The following KIAA1217 variants were observed in gnomAD, a reference collection of about 807,000 sequenced individuals.
The protein encoded by KIAA1217 is KIAA1217, also known as sickle tail protein homolog.
KIAA1217 carries 88 observed loss-of-function variants against 163.9 expected under a neutral mutation model. That is an observed-to-expected ratio of 0.54 (90% CI 0.45 to 0.64). The LOEUF (loss-of-function observed/expected upper bound fraction) is 0.64, where lower values mean the gene tolerates loss of function less well. KIAA1217 is among the 30% of genes least tolerant of loss of function. The probability of loss-of-function intolerance (pLI) is 0.00; values close to 1 mark genes in which losing one functional copy is unlikely to be tolerated. For synonymous variants in KIAA1217, 903 were observed against 923.1 expected (o/e 0.98, Z 0.39); for missense variants, 2,372 against 2,475.0 (o/e 0.96, Z 0.88).
At chr10:23,719,323 G>A (rs1300098753) in intron 1 of KIAA1217, among the ~76,000 whole-genome samples, 2 of 152,216 alleles carry the variant, frequency 1.3e-5, no homozygotes, top group Non-Finnish European at 2.9e-5. Flanking sequence ...GCTCATGCCT[G>A]TAATCCCAAC....
At chr10:23,760,443 G>A (rs888641475) in intron 1 of KIAA1217, among the ~76,000 whole-genome samples, 5 of 152,214 alleles carry the variant, frequency 3.3e-5, no homozygotes, top group Non-Finnish European at 5.9e-5. Context: ...GCATCAGTGT[G>A]CATTGAGATA....
At chr10:23,884,797 G>A (rs1841100761) in intron 1 of KIAA1217, among the ~76,000 whole-genome samples, 2 of 151,900 alleles carry the variant, frequency 1.3e-5, no homozygotes, top group Admixed American at 6.6e-5. Context: ...CAGGCTTCAG[G>A]TTTGTCCCCA....
intron 1 of KIAA1217, among the ~76,000 whole-genome samples, chr10:23,989,054 T>C (rs915091333): frequency 7.2e-5 from 11 of 152,248 alleles, no homozygotes; most frequent in Non-Finnish European, 1.2e-4. Flanking sequence ...TGAACATTTT[T>C]CTATTTCATT....
At position 24,543,951 on chromosome 10, in the gene KIAA1217, G is replaced by T; in HGVS notation, c.4681G>T (p.Ala1561Ser). ...SPNSECKGED[A>S]TDDQFESPKK... Reference sequence around the variant, plus strand: ...AAATTCGGAATGCAAGGGTGAGGACGCGACCGATGACCAGTTTGAAAGCCC... The same window carrying T: ...AAATTCGGAATGCAAGGGTGAGGACTCGACCGATGACCAGTTTGAAAGCCC... The change falls in exon 19 of 21, where the codon GCG (alanine) becomes TCG (serine). Residue 1561 changes from alanine to serine, a missense_variant. Transcript: ENST00000376454. The T allele has an allele frequency of 6.2e-7, 1 of 1,614,020 alleles. No homozygotes were observed. Among genetic ancestry groups the T allele is most frequent in the Non-Finnish European group, 8.5e-7 (1 of 1,180,020 alleles).
chr10:24,188,408 GGTAGAGGA>G (rs917143495), intron 2 of KIAA1217, among the ~76,000 whole-genome samples: 121 of 152,172 alleles, frequency 8.0e-4, no homozygotes, highest in African/African-American at 2.8e-3. Context: ...AATTCTCAGG[GGTAGAGGA>G]TCACAGCCAG....
chr10:23,773,401 C>T (rs1273964425), intron 1 of KIAA1217, among the ~76,000 whole-genome samples: 1 of 151,586 alleles, frequency 6.6e-6, no homozygotes, highest in Non-Finnish European at 1.5e-5. Context: ...TAGCGTGATG[C>T]CTCCAGCTTT....
At chr10:23,922,682 A>G (rs906668177) in intron 1 of KIAA1217, among the ~76,000 whole-genome samples, 8 of 152,330 alleles carry the variant, frequency 5.3e-5, no homozygotes, top group African/African-American at 1.9e-4. Context: ...TGTAGTGAGC[A>G]TAGAAAAACA....
At chr10:24,302,837 G>T (rs567960257) in intron 2 of KIAA1217, among the ~76,000 whole-genome samples, 4 of 152,256 alleles carry the variant, frequency 2.6e-5, no homozygotes, top group African/African-American at 9.6e-5. Flanking sequence ...CCAGAAGGCA[G>T]AGGAAACAAC....
chr10:24,453,841 A>G (rs2132367548), intron 5 of KIAA1217, among the ~76,000 whole-genome samples: 1 of 152,352 alleles, frequency 6.6e-6, no homozygotes, highest in Admixed American at 6.5e-5. Context: ...TAACTCCTTA[A>G]GTCACAACTA....
At chr10:24,074,021 T>G (rs182371471) in intron 2 of KIAA1217, among the ~76,000 whole-genome samples, 1 of 152,026 alleles carries the variant, frequency 6.6e-6, no homozygotes, top group South Asian at 2.1e-4. Context: ...CAGAAAATAA[T>G]TGGACTGTCT....
At chr10:24,464,155 G>C (rs2062705704) in intron 5 of KIAA1217, among the ~76,000 whole-genome samples, 1 of 152,168 alleles carries the variant, frequency 6.6e-6, no homozygotes, top group Non-Finnish European at 1.5e-5. Context: ...GGGGCCTTTG[G>C]AGATTGAACT....
intron 1 of KIAA1217, among the ~76,000 whole-genome samples, chr10:23,813,278 C>T (rs1028619526): frequency 2.6e-5 from 4 of 151,984 alleles, no homozygotes; most frequent in African/African-American, 9.6e-5. Flanking sequence ...GGTTATTTGT[C>T]TTTATATCAT....
At chr10:24,454,186 C>G (rs1384963903) in intron 5 of KIAA1217, among the ~76,000 whole-genome samples, 1 of 152,214 alleles carries the variant, frequency 6.6e-6, no homozygotes, top group Non-Finnish European at 1.5e-5. Flanking sequence ...AGACAAACTA[C>G]TCATTAAATA....
chr10:23,701,608 T>G (rs1836454462), intron 1 of KIAA1217, among the ~76,000 whole-genome samples: 2 of 152,202 alleles, frequency 1.3e-5, no homozygotes, highest in South Asian at 4.1e-4. Context: ...AAGCATTACA[T>G]GAACAACAAA....
intron 1 of KIAA1217, among the ~76,000 whole-genome samples, chr10:23,850,448 C>A (rs945643449): frequency 2.0e-5 from 3 of 152,024 alleles, no homozygotes; most frequent in African/African-American, 4.8e-5. Flanking sequence ...AGGGAAAAAA[C>A]CAGATGCAGA....
chr10:23,858,583 T>G (rs1839812506), intron 1 of KIAA1217, among the ~76,000 whole-genome samples: 4 of 152,076 alleles, frequency 2.6e-5, no homozygotes, highest in African/African-American at 9.7e-5. Flanking sequence ...AAAAACAACT[T>G]GAATCTGACT....
At chr10:24,053,844 T>G (rs1173420815) in intron 2 of KIAA1217, among the ~76,000 whole-genome samples, 1 of 152,128 alleles carries the variant, frequency 6.6e-6, no homozygotes, top group Non-Finnish European at 1.5e-5. Context: ...AACAGGCCAT[T>G]TCCCCCAGGT....
chr10:24,299,777 ATACT>A (rs945398120), intron 2 of KIAA1217, among the ~76,000 whole-genome samples: 1 of 152,136 alleles, frequency 6.6e-6, no homozygotes, highest in Non-Finnish European at 1.5e-5. Context: ...TGCTGGAGTG[ATACT>A]TACAGCCCTG....
At chr10:23,911,029 A>T (rs182307740) in intron 1 of KIAA1217, among the ~76,000 whole-genome samples, 6 of 152,290 alleles carry the variant, frequency 3.9e-5, no homozygotes, top group African/African-American at 1.4e-4. Context: ...CCAACACTTA[A>T]TGTCTACAAT....
Sources: allele counts gnomAD v4.1 joint callset (sites outside exome capture counted in the v4.1 genomes callset), GRCh38; gene constraint gnomAD v4.1.1; transcripts MANE v1.5; gene names NCBI Gene and HGNC (gene_info 2026-07-23, HGNC 2026-07-21).